Variants in PDE4B observed in about 807,000 individuals in gnomAD.
PDE4B encodes the protein 3',5'-cyclic-AMP phosphodiesterase 4B.
A neutral mutation model predicts 82.2 loss-of-function variants in PDE4B; 20 were observed. That is an observed-to-expected ratio of 0.24 (90% CI 0.17 to 0.35). The LOEUF (loss-of-function observed/expected upper bound fraction) is 0.35, where lower values mean the gene tolerates loss of function less well. Among genes scored for constraint, PDE4B ranks in the 10% least tolerant of loss-of-function variants. PDE4B has a pLI of 1.00. For synonymous variants in PDE4B, 320 were observed against 318.9 expected (o/e 1.00, Z -0.04); for missense variants, 655 against 907.2 (o/e 0.72, Z 3.57).
In PDE4B at chr1:65,967,805, TG is replaced by T. The variant is rs1445783514; in HGVS notation, c.281+48973del. On this transcript the variant is annotated intron_variant, in intron 3 of 16. Transcript: ENST00000341517. ...AACACTGCATGTTCTCACTCATAAG[TG>T]GGAGTTGAACGATGAAAACACATGG... Among the ~76,000 whole-genome samples, 3 of 151,974 alleles carry T rather than the reference TG, an allele frequency of 2.0e-5. No homozygotes were observed. The East Asian group carries it at 5.8e-4, about 29-fold the overall frequency.
At position 66,098,045 on chromosome 1, in the gene PDE4B, T is replaced by A. The variant is rs115921770; in HGVS notation, c.282-149415T>A. Among the ~76,000 whole-genome samples the A allele has an allele frequency of 3.6e-3, 544 of 152,188 alleles. 4 individuals carry two copies. The highest frequency in any genetic ancestry group is 0.012 in the African/African-American group (514 of 41,556). On this transcript the variant is annotated intron_variant, in intron 3 of 16. Coordinates refer to ENST00000341517, the MANE Select transcript of PDE4B (RefSeq NM_002600.4). ...ACTATATAATGATTCTTGCGGATGC[T>A]CCATGTAAACACACTGCTTGGTAGA...
intron 3 of PDE4B, among the ~76,000 whole-genome samples, chr1:65,972,763 A>G (rs1557468861): frequency 6.6e-6 from 1 of 152,084 alleles, no homozygotes; most frequent in African/African-American, 2.4e-5. Context: ...TTTTTCCTTT[A>G]TTTAGATGCA....
At chr1:66,266,125 A>G (rs777394540) in intron 7 of PDE4B, 38 bp downstream of exon 7, 9 of 1,454,978 alleles carry the variant, frequency 6.2e-6, no homozygotes, top group Admixed American at 1.7e-5. Context: ...ATGTTTCAAG[A>G]TAGAATAATA....
intron 3 of PDE4B, among the ~76,000 whole-genome samples, chr1:66,218,125 T>G (rs1156241990): frequency 2.0e-5 from 3 of 152,112 alleles, no homozygotes; most frequent in Admixed American, 6.6e-5. Flanking sequence ...TGGGTGCAAA[T>G]TGTTAGTGGT....
intron 1 of PDE4B, among the ~76,000 whole-genome samples, chr1:65,875,092 A>C (rs1279065067): frequency 6.6e-6 from 1 of 151,946 alleles, no homozygotes; most frequent in Non-Finnish European, 1.5e-5. Flanking sequence ...ATGAACTCAA[A>C]CAAATGTACA....
At position 65,992,776 on chromosome 1, in the gene PDE4B, T is replaced by C. The variant is rs977057844; in HGVS notation, c.281+73941T>C. 15 of 1,420,686 alleles carry C rather than the reference T, an allele frequency of 1.1e-5. No homozygotes were observed. The East Asian group carries it at 2.6e-4, about 25-fold the overall frequency. 88.0% of individuals were successfully genotyped at this position (1,420,686 alleles called of 1,614,324 possible). On this transcript the variant is annotated intron_variant, in intron 3 of 16. Coordinates refer to ENST00000341517, the MANE Select transcript of PDE4B (RefSeq NM_002600.4). ...GCTCTTGCTCTAAGACGCTCATACA[T>C]TGGAGTCACAGCTTCGTAAATTAAA...
Position 65,989,385 on chromosome 1 carries a change from C to G in PDE4B, c.281+70550C>G, listed in dbSNP as rs565787666. 6.6e-5 allele frequency among the ~76,000 whole-genome samples: 10 copies of G among 152,046 alleles called. No individual in the cohort carries two copies. In the South Asian group the frequency reaches 2.1e-3, roughly 32 times the overall value. Reference sequence around the variant, plus strand: ...GCATGGTGGTGGGCGCCTGTAATCTCAGCTACTCAGGAGGTAGGATCGCTT... The same window carrying G: ...GCATGGTGGTGGGCGCCTGTAATCTGAGCTACTCAGGAGGTAGGATCGCTT... On this transcript the variant is annotated intron_variant, in intron 3 of 16. Transcript: ENST00000341517.
chr1:66,080,475 T>C (rs188365524), intron 3 of PDE4B, among the ~76,000 whole-genome samples: 1 of 152,232 alleles, frequency 6.6e-6, no homozygotes, highest in East Asian at 1.9e-4. Flanking sequence ...TGAGTAAAAT[T>C]CAAAACATAA....
At chr1:66,234,461 G>A (rs1652241454) in intron 3 of PDE4B, among the ~76,000 whole-genome samples, 1 of 152,082 alleles carries the variant, frequency 6.6e-6, no homozygotes, top group Admixed American at 6.6e-5. Flanking sequence ...GCTAATTTTT[G>A]TGTTTTTAGT....
chr1:66,272,659 C>G (rs1290151203), intron 7 of PDE4B, among the ~76,000 whole-genome samples: 1 of 151,976 alleles, frequency 6.6e-6, no homozygotes, highest in Non-Finnish European at 1.5e-5. Flanking sequence ...CCCACTTCCT[C>G]TGCCTTTGTT....
At chr1:66,338,757 G>T (rs1428288720) in intron 8 of PDE4B, among the ~76,000 whole-genome samples, 1 of 152,102 alleles carries the variant, frequency 6.6e-6, no homozygotes, top group Non-Finnish European at 1.5e-5. Flanking sequence ...GGTGGCTCAC[G>T]CCTGTAATCC....
chr1:66,363,122 G>A, intron 10 of PDE4B, 46 bp from the exon 11 acceptor site: 2 of 1,333,824 alleles, frequency 1.5e-6, no homozygotes, highest in Non-Finnish European at 1.1e-6. Context: ...AGGCATGTTA[G>A]CACAACTTTC....
intron 3 of PDE4B, among the ~76,000 whole-genome samples, chr1:66,133,016 A>G (rs972863272): frequency 2.6e-5 from 4 of 152,190 alleles, no homozygotes; most frequent in Non-Finnish European, 4.4e-5. Context: ...GAGTTGATAT[A>G]CCAGGGCTAC....
At chr1:66,085,985 A>G (rs988992127) in intron 3 of PDE4B, among the ~76,000 whole-genome samples, 1 of 152,108 alleles carries the variant, frequency 6.6e-6, no homozygotes, top group Non-Finnish European at 1.5e-5. Context: ...GTTTGAACCA[A>G]AGCAATCAGA....
At chr1:66,012,626 C>A (rs1293010544) in intron 3 of PDE4B, among the ~76,000 whole-genome samples, 1 of 152,004 alleles carries the variant, frequency 6.6e-6, no homozygotes, top group African/African-American at 2.4e-5. Context: ...ACTTAGCAGT[C>A]GTCTTACTTT....
At chr1:66,207,603 T>G (rs1649652977) in intron 3 of PDE4B, among the ~76,000 whole-genome samples, 1 of 152,194 alleles carries the variant, frequency 6.6e-6, no homozygotes, top group African/African-American at 2.4e-5. Flanking sequence ...CTAAAATTTT[T>G]TAAAGTTACT....
At chr1:66,086,000 T>C (rs1656987635) in intron 3 of PDE4B, among the ~76,000 whole-genome samples, 2 of 152,070 alleles carry the variant, frequency 1.3e-5, no homozygotes, top group Admixed American at 6.6e-5. Flanking sequence ...ATCAGATAAC[T>C]TCAATAATAA....
At chr1:66,255,434 G>A (rs978562713) in intron 4 of PDE4B, among the ~76,000 whole-genome samples, 4 of 152,120 alleles carry the variant, frequency 2.6e-5, no homozygotes, top group Non-Finnish European at 1.5e-5. Context: ...TATAATCTTT[G>A]TCTGGACTGT....
At chr1:65,852,773 C>T (rs1646346208) in intron 1 of PDE4B, among the ~76,000 whole-genome samples, 1 of 151,834 alleles carries the variant, frequency 6.6e-6, no homozygotes, top group South Asian at 2.1e-4. Flanking sequence ...GATTACAGTT[C>T]TTTTAAATTA....
Sources: gnomAD v4.1 joint callset for allele counts (sites outside exome capture counted in the v4.1 genomes callset) on GRCh38, gnomAD v4.1.1 for gene constraint, MANE v1.5 for transcripts, NCBI Gene and HGNC (gene_info 2026-07-23, HGNC 2026-07-21) for gene names.